KLHL29: variants seen among roughly 807,000 people sequenced by gnomAD.
KLHL29 encodes kelch-like protein 29.
KLHL29 carries 21 observed loss-of-function variants against 80.4 expected under a neutral mutation model. The observed-to-expected ratio is 0.26, with a 90% confidence interval of 0.19 to 0.38. KLHL29 has a LOEUF of 0.38. Ranked by LOEUF, KLHL29 falls within the 10% of genes least tolerant of loss-of-function variation. The probability of loss-of-function intolerance (pLI) is 1.00; values close to 1 mark genes in which losing one functional copy is unlikely to be tolerated. For missense variants in KLHL29, 867 were observed against 1,223.9 expected (o/e 0.71, Z 4.35); for synonymous variants, 511 against 526.8 (o/e 0.97, Z 0.41).
chr2:23,703,354 G>A lies in KLHL29; in HGVS notation c.2274G>A (p.Trp758Ter). 1 of 1,517,634 alleles carries A rather than the reference G, an allele frequency of 6.6e-7. No homozygotes were observed. The highest frequency in any genetic ancestry group is 8.8e-7 in the Non-Finnish European group (1 of 1,133,808). 94.0% of individuals were successfully genotyped at this position (1,517,634 alleles called of 1,614,324 possible). ...LQSYVPQTNTWSFIESPMIDN... is the reference protein window; with the variant it reads ...LQSYVPQTNT ...CTTACGTTCCTCAGACCAACACGTG[G>A]AGCTTCATCGAGTCCCCAATGATTG... is the stretch of plus-strand genomic sequence containing the variant. Residue 758 changes from tryptophan (W) to a stop codon, truncating the protein, a stop_gained, in exon 12 of 14, where the codon TGG (tryptophan) becomes TGA (stop). Transcript: ENST00000486442. LOFTEE classifies it high-confidence loss of function.
chr2:23,572,637 A>G (rs1458968385), intron 3 of KLHL29, among the ~76,000 whole-genome samples: 5 of 152,140 alleles, frequency 3.3e-5, no homozygotes, highest in Admixed American at 1.3e-4. Flanking sequence ...ATCCTTTGAC[A>G]TCATCTCAAC....
chr2:23,545,233 G>A (rs1666952051), intron 2 of KLHL29, among the ~76,000 whole-genome samples: 1 of 152,198 alleles, frequency 6.6e-6, no homozygotes, highest in Non-Finnish European at 1.5e-5. Context: ...ATGAGTCCAG[G>A]AAAAGATAGA....
intron 2 of KLHL29, among the ~76,000 whole-genome samples, chr2:23,539,134 G>A (rs1043888733): frequency 1.8e-4 from 27 of 152,138 alleles, no homozygotes; most frequent in African/African-American, 6.3e-4. Context: ...TAGAAAGCAC[G>A]GCAGCCACCC....
intron 2 of KLHL29, among the ~76,000 whole-genome samples, chr2:23,547,066 C>T (rs1474085523): frequency 2.0e-5 from 3 of 152,148 alleles, no homozygotes; most frequent in South Asian, 2.1e-4. Flanking sequence ...GTGGAGCTCC[C>T]GCAGAGAACC....
At chr2:23,494,713 G>A (rs919518399) in intron 2 of KLHL29, among the ~76,000 whole-genome samples, 2 of 152,184 alleles carry the variant, frequency 1.3e-5, no homozygotes, top group East Asian at 3.9e-4. Flanking sequence ...CTGGGGCTGA[G>A]GATCATGAAA....
intron 1 of KLHL29, among the ~76,000 whole-genome samples, chr2:23,436,102 TG>T (rs1663333843): frequency 6.6e-6 from 1 of 152,120 alleles, no homozygotes; most frequent in Non-Finnish European, 1.5e-5. Flanking sequence ...CCTTAACTTG[TG>T]GGTTTCTTCT....
intron 2 of KLHL29, among the ~76,000 whole-genome samples, chr2:23,485,019 A>C (rs1425767873): frequency 2.6e-5 from 4 of 151,978 alleles, no homozygotes; most frequent in African/African-American, 7.3e-5. Flanking sequence ...TCTCCCTGGC[A>C]CCCTTGTAGT....
At chr2:23,586,516 T>G (rs989693806) in intron 3 of KLHL29, among the ~76,000 whole-genome samples, 1 of 151,876 alleles carries the variant, frequency 6.6e-6, no homozygotes, top group Non-Finnish European at 1.5e-5. Flanking sequence ...CCTGCCACCA[T>G]GCCCGGCTAA....
intron 2 of KLHL29, among the ~76,000 whole-genome samples, chr2:23,535,763 G>C (rs528280108): frequency 6.6e-6 from 1 of 152,172 alleles, no homozygotes; most frequent in Non-Finnish European, 1.5e-5. Flanking sequence ...AGGCGGGAAA[G>C]GGGAGTTATT....
intron 1 of KLHL29, among the ~76,000 whole-genome samples, chr2:23,443,756 T>C (rs1663598164): frequency 6.6e-6 from 1 of 152,218 alleles, no homozygotes; most frequent in African/African-American, 2.4e-5. Context: ...GTGTCCCCTG[T>C]AGTTGACTTG....
At chr2:23,642,277 G>A in intron 4 of KLHL29, 61 bp from the exon 5 acceptor site, 1 of 1,373,062 alleles carries the variant, frequency 7.3e-7, no homozygotes, top group Non-Finnish European at 9.5e-7. Flanking sequence ...GCCGGGGATG[G>A]TCAGTGTTTG....
intron 2 of KLHL29, among the ~76,000 whole-genome samples, chr2:23,533,478 C>G (rs570862018): frequency 6.6e-6 from 1 of 152,100 alleles, no homozygotes. Flanking sequence ...GAGCCTCTGC[C>G]GGGAGTGAAG....
intron 1 of KLHL29, among the ~76,000 whole-genome samples, chr2:23,415,321 C>A (rs914949714): frequency 6.6e-6 from 1 of 152,222 alleles, no homozygotes; most frequent in Non-Finnish European, 1.5e-5. Flanking sequence ...GGCAGGGGCT[C>A]AGGTGCTGAG....
intron 3 of KLHL29, among the ~76,000 whole-genome samples, chr2:23,614,288 CAGGACCTCCTG>C (rs950653691): frequency 2.6e-5 from 4 of 152,224 alleles, no homozygotes; most frequent in African/African-American, 9.6e-5. Context: ...CACATGTCAT[CAGGACCTCCTG>C]AGGCCGTGTC....
chr2:23,388,286 C>T (rs1666234972), intron 1 of KLHL29, among the ~76,000 whole-genome samples: 1 of 152,202 alleles, frequency 6.6e-6, no homozygotes, highest in East Asian at 1.9e-4. Context: ...TTGCTAACTG[C>T]AGCTCCTCAT....
At chr2:23,571,685 G>C (rs79979200) in intron 3 of KLHL29, among the ~76,000 whole-genome samples, 2,893 of 152,268 alleles carry the variant, frequency 0.019, 45 homozygotes, top group South Asian at 0.028. Context: ...AGACATTGTC[G>C]TGACTGGATA....
intron 6 of KLHL29, among the ~76,000 whole-genome samples, chr2:23,687,411 G>A (rs923506405): frequency 1.3e-5 from 2 of 152,146 alleles, no homozygotes; most frequent in Non-Finnish European, 2.9e-5. Context: ...TGGCAAGGAC[G>A]GTGCCTGCCA....
chr2:23,610,300 T>A (rs1668826657), intron 3 of KLHL29, among the ~76,000 whole-genome samples: 1 of 152,382 alleles, frequency 6.6e-6, no homozygotes, highest in East Asian at 1.9e-4. Flanking sequence ...GTATTCGTTC[T>A]GGTGTGCTTT....
chr2:23,676,330 C>T (rs905428607), intron 5 of KLHL29, among the ~76,000 whole-genome samples: 2 of 152,216 alleles, frequency 1.3e-5, no homozygotes, highest in Non-Finnish European at 2.9e-5. Context: ...CTACAGGCGT[C>T]TGCTACCATG....
Sources: allele counts gnomAD v4.1 joint callset (sites outside exome capture counted in the v4.1 genomes callset), GRCh38; gene constraint gnomAD v4.1.1; transcripts MANE v1.5; gene names NCBI Gene and HGNC (gene_info 2026-07-23, HGNC 2026-07-21).